The following DNAI2 variants were observed in gnomAD, a reference collection of about 807,000 sequenced individuals.
DNAI2 encodes dynein, axonemal, intermediate polypeptide 2.
A neutral mutation model predicts 74.7 loss-of-function variants in DNAI2; 63 were observed. That is an observed-to-expected ratio of 0.84 (90% CI 0.69 to 1.04). The LOEUF (loss-of-function observed/expected upper bound fraction) is 1.04, where lower values mean the gene tolerates loss of function less well. Among genes scored for constraint, DNAI2 ranks in the 50% least tolerant of loss-of-function variants. The pLI is 0.00. For missense variants in DNAI2, 688 were observed against 803.2 expected (o/e 0.86, Z 1.73); for synonymous variants, 289 against 314.9 (o/e 0.92, Z 0.87).
At chr17:74,285,744 A>G (rs1338760950) in intron 3 of DNAI2, among the ~76,000 whole-genome samples, 1 of 152,182 alleles carries the variant, frequency 6.6e-6, no homozygotes, top group Non-Finnish European at 1.5e-5. Flanking sequence ...AAAGAAAGAA[A>G]TGCTGAAAGA....
intron 13 of DNAI2, 34 bp downstream of exon 13, chr17:74,314,305 C>A: frequency 6.2e-7 from 1 of 1,602,908 alleles, no homozygotes; most frequent in African/African-American, 1.3e-5. Flanking sequence ...GGAGGCTGAG[C>A]TCCGCCTTAA....
intron 12 of DNAI2, chr17:74,313,738 C>T (rs189757861): frequency 5.8e-4 from 164 of 280,710 alleles, no homozygotes; most frequent in Middle Eastern, 1.3e-3. Context: ...CAAAGTACCG[C>T]GTGGTACTGA....
intron 12 of DNAI2, 144 bp from the exon 13 acceptor site, chr17:74,313,977 G>C (rs2053681202): frequency 1.5e-6 from 2 of 1,356,126 alleles, no homozygotes; most frequent in East Asian, 4.9e-5. Context: ...CAGCCGCAGA[G>C]CTGGCACCCG....
chr17:74,285,968 T>G (rs1183217827), intron 3 of DNAI2, among the ~76,000 whole-genome samples: 94 of 137,090 alleles, frequency 6.9e-4, no homozygotes, highest in Non-Finnish European at 8.0e-4. Context: ...CATATATATA[T>G]ATAGAGAGAG....
rs546296756 is a variant in DNAI2, at chr17:74,307,641, C to T, written c.1212-1612C>T. The stretch of plus-strand genomic sequence containing the variant: ...TTGCGCCACTGCACTCCAGCCTGGG[C>T]GACAGAGTGAGACTCCGTCTCAAAA... On this transcript the variant is annotated intron_variant, in intron 9 of 13. Coordinates refer to ENST00000311014, the MANE Select transcript of DNAI2 (RefSeq NM_023036.6). Among the ~76,000 whole-genome samples, 11 of 151,242 alleles carry T rather than the reference C, an allele frequency of 7.3e-5. No individual in the cohort carries two copies. The South Asian group carries it at 2.3e-3, about 31-fold the overall frequency.
chr17:74,274,985 T>C (rs1220225580), intron 1 of DNAI2, among the ~76,000 whole-genome samples: 1 of 152,192 alleles, frequency 6.6e-6, no homozygotes, highest in African/African-American at 2.4e-5. Flanking sequence ...TCAGACCCTA[T>C]GTGTTTTCCT....
In DNAI2 at chr17:74,311,994, G is replaced by A; in HGVS notation, c.1495-9G>A. The A allele has an allele frequency of 6.2e-7, 1 of 1,611,198 alleles. No homozygotes were observed. Among genetic ancestry groups the A allele is most frequent in the Non-Finnish European group, 8.5e-7 (1 of 1,179,648 alleles). ...CCCCACCGGGCTCTCTCTGTCCCTG[G>A]GTGCCCAGATGTTTGAGCGTGAGAC... On this transcript the variant is annotated splice_polypyrimidine_tract_variant and intron_variant, in intron 11 of 13. Transcript: ENST00000311014.
rs1189178349 is a variant in DNAI2, at chr17:74,274,235, G to C, written c.-122G>C. On this transcript the variant is annotated 5_prime_UTR_variant, in exon 1 of 14. Coordinates refer to ENST00000311014, the MANE Select transcript of DNAI2 (RefSeq NM_023036.6). Reference sequence around the variant, plus strand: ...GCGTCGCCCCGCGCGTCCGGAGCCAGGCCGGGGTTGCCAAGCAACCGGTAA... The same window carrying C: ...GCGTCGCCCCGCGCGTCCGGAGCCACGCCGGGGTTGCCAAGCAACCGGTAA... 6.6e-6 allele frequency: 1 copy of C among 152,154 alleles called. No homozygotes were observed. Among genetic ancestry groups the C allele is most frequent in the East Asian group, 1.9e-4 (1 of 5,164 alleles). The allele number at this position is 152,154 out of a possible 1,614,324, so 9.4% of individuals were successfully genotyped here.
At chr17:74,285,336 A>C in intron 3 of DNAI2, 135 bp downstream of exon 3, 1 of 1,143,282 alleles carries the variant, frequency 8.7e-7, no homozygotes, top group Non-Finnish European at 1.3e-6. Context: ...ACCAGCTGCT[A>C]CCTCAAGGAG....
In DNAI2 at chr17:74,308,620, C is replaced by G. The variant is rs548296172; in HGVS notation, c.1212-633C>G. ...CACTGCAGCCTCGACCTCCTGGGCT[C>G]AAGCGATCCTCCCATCTCAGCCTCC... On this transcript the variant is annotated intron_variant, in intron 9 of 13. Transcript: ENST00000311014. Among the ~76,000 whole-genome samples, 10 of 152,288 alleles carry G rather than the reference C, an allele frequency of 6.6e-5. No homozygotes were observed. In the East Asian group the frequency reaches 1.7e-3, roughly 27 times the overall value.
rs2052694021 is a variant in DNAI2 at position 74,300,381 on chromosome 17, T to G, written c.864+524T>G. On this transcript the variant is annotated intron_variant, in intron 7 of 13. Transcript: ENST00000311014. The surrounding 1 kb of genome is among the most constrained non-coding windows in gnomAD (Gnocchi z 4.5). ...CTCCCTCCCTCTCTTATGTCTGCCT[T>G]CAGAGCTAGTCTCTGCGTATGCAAG... Among the ~76,000 whole-genome samples, 1 of 152,222 alleles carries G rather than the reference T, an allele frequency of 6.6e-6. No homozygotes were observed. Among genetic ancestry groups the G allele is most frequent in the Non-Finnish European group, 1.5e-5 (1 of 68,048 alleles).
intron 2 of DNAI2, 66 bp from the exon 3 acceptor site, chr17:74,284,974 C>A (rs2051623161): frequency 1.2e-6 from 2 of 1,607,872 alleles, no homozygotes; most frequent in Non-Finnish European, 1.7e-6. Context: ...ACCTGGCTTG[C>A]AGAAGTGGCC....
At chr17:74,282,762 T>C (rs1403137962) in intron 2 of DNAI2, among the ~76,000 whole-genome samples, 2 of 152,256 alleles carry the variant, frequency 1.3e-5, no homozygotes, top group Non-Finnish European at 2.9e-5. Flanking sequence ...AAAAATTCCC[T>C]GTCTCTATGA....
Position 74,310,172 on chromosome 17 carries a change from C to G in DNAI2, c.1494+9C>G. The G allele has an allele frequency of 6.2e-7, 1 of 1,612,974 alleles. No individual in the cohort carries two copies. Among genetic ancestry groups the G allele is most frequent in the Non-Finnish European group, 8.5e-7 (1 of 1,179,954 alleles). ...AGAACGTAGCCTCTTCCGTAAGCAC[C>G]GGGTGCCTGGGGAAAATCCCTCCAG... is the stretch of plus-strand genomic sequence containing the variant. On this transcript the variant is annotated intron_variant, in intron 11 of 13. Coordinates refer to ENST00000311014, the MANE Select transcript of DNAI2 (RefSeq NM_023036.6).
At chr17:74,313,768 G>C (rs2053668690) in intron 12 of DNAI2, 1 of 338,920 alleles carries the variant, frequency 3.0e-6, no homozygotes, top group Non-Finnish European at 5.8e-6. Flanking sequence ...ACATAGGCTG[G>C]GTCCTTATGC....
intron 6 of DNAI2, among the ~76,000 whole-genome samples, chr17:74,292,387 A>T (rs2052162304): frequency 6.7e-6 from 1 of 149,662 alleles, no homozygotes. Flanking sequence ...AATTGTTCAC[A>T]GTATTCCCTT....
chr17:74,314,520 C>T (rs2053718618), intron 13 of DNAI2, 69 bp from the exon 14 acceptor site: 3 of 387,866 alleles, frequency 7.7e-6, no homozygotes, highest in South Asian at 2.2e-5. Context: ...TAGTCCTAGT[C>T]CTGGATGTCT....
In DNAI2 at chr17:74,301,090, T is replaced by C. The variant is rs2144035181; in HGVS notation, c.909T>C (p.Val303=). 6.2e-7 allele frequency: 1 copy of C among 1,614,066 alleles called. No individual in the cohort carries two copies. Among genetic ancestry groups the C allele is most frequent in the South Asian group, 1.1e-5 (1 of 91,074 alleles). Reference sequence around the variant, plus strand: ...GAAAGATGAGCGAGCCCACTGAAGTTGTGATCTTGGACATCACCAAGAAGG... The same window carrying C: ...GAAAGATGAGCGAGCCCACTGAAGTCGTGATCTTGGACATCACCAAGAAGG... ...DIRKMSEPTE[V]VILDITKKEQ... The change falls in exon 8 of 14, where the codon GTT becomes GTC. Residue 303 remains valine (V), a synonymous_variant. Transcript: ENST00000311014.
intron 4 of DNAI2, 118 bp from the exon 5 acceptor site, chr17:74,289,476 G>C: frequency 7.4e-7 from 1 of 1,350,022 alleles, no homozygotes; most frequent in Non-Finnish European, 1.0e-6. Flanking sequence ...GCAGTGAGCC[G>C]AGATTATGCC....
Sources: allele counts gnomAD v4.1 joint callset (sites outside exome capture counted in the v4.1 genomes callset), GRCh38; gene constraint gnomAD v4.1.1; non-coding constraint Gnocchi (gnomAD v3.1); transcripts MANE v1.5; gene names NCBI Gene and HGNC (gene_info 2026-07-23, HGNC 2026-07-21).